The following DDX60L variants were observed in gnomAD, a reference collection of about 807,000 sequenced individuals.
DDX60L encodes DExD/H-box 60 like, also known as probable ATP-dependent RNA helicase DDX60-like.
DDX60L carries 191 observed loss-of-function variants against 211.6 expected under a neutral mutation model. The observed-to-expected ratio is 0.90, with a 90% CI of 0.80 to 1.02. DDX60L has a LOEUF of 1.02. DDX60L is among the 50% of genes least tolerant of loss of function. The pLI is 0.00. For synonymous variants in DDX60L, 706 were observed against 694.1 expected (o/e 1.02, Z -0.27); for missense variants, 2,007 against 1,984.1 (o/e 1.01, Z -0.22).
chr4:168,405,752 G>T (rs552015235), intron 24 of DDX60L, among the ~76,000 whole-genome samples, 198 bp downstream of exon 24: 1 of 152,224 alleles, frequency 6.6e-6, no homozygotes, highest in Non-Finnish European at 1.5e-5. Context: ...ATGTTTTAAA[G>T]GTCACTGAGC....
At chr4:168,456,462 C>T (rs1489458288) in intron 6 of DDX60L, among the ~76,000 whole-genome samples, 1 of 151,932 alleles carries the variant, frequency 6.6e-6, no homozygotes, top group Non-Finnish European at 1.5e-5. Context: ...ATAAAATCAT[C>T]CCATTTTACT....
rs1394722614 is a variant in DDX60L at position 168,466,953 on chromosome 4, C to T, written c.264+4794G>A. 2.6e-5 allele frequency among the ~76,000 whole-genome samples: 4 copies of T among 152,074 alleles called. No individual in the cohort carries two copies. The East Asian group carries it at 7.7e-4, about 29-fold the overall frequency. ...TAGAGGTTTTTTGTTTGTGTTCTAA[C>T]AAAACATGTTAGAACACGTTTTGTT... On this transcript the variant is annotated intron_variant, in intron 4 of 37. Coordinates refer to ENST00000682922, the MANE Select transcript of DDX60L (RefSeq NM_001012967.3).
intron 14 of DDX60L, 133 bp from the exon 15 acceptor site, chr4:168,423,907 T>C (rs1751053239): frequency 1.9e-6 from 1 of 534,290 alleles, no homozygotes; most frequent in Admixed American, 4.2e-5. Context: ...TTAAAGGAGA[T>C]TTTAGAGCAT....
chr4:168,445,356 A>C (rs1309605449), intron 9 of DDX60L, among the ~76,000 whole-genome samples: 2 of 143,484 alleles, frequency 1.4e-5, no homozygotes, highest in African/African-American at 2.5e-5. Context: ...GAATAGACCA[A>C]TAACAGGAGC....
chr4:168,462,855 G>C (rs1017057128), intron 4 of DDX60L, among the ~76,000 whole-genome samples: 2 of 151,934 alleles, frequency 1.3e-5, no homozygotes, highest in African/African-American at 4.8e-5. Flanking sequence ...CAGCCAGTAA[G>C]CATATAAAAA....
At chr4:168,449,652 C>CAAAAAAAAAAAAAAAAAAAAAAAAAAATA in intron 8 of DDX60L, among the ~76,000 whole-genome samples, 1 of 7,936 alleles carries the variant, frequency 1.3e-4, no homozygotes, top group Non-Finnish European at 2.3e-4. Context: ...AAAAAAAATG[C>CAAAAAAAAAAAAAAAAAAAAAAAAAAATA]AAAAAAAAAA....
chr4:168,448,351 T>A (rs866476649), intron 9 of DDX60L, among the ~76,000 whole-genome samples: 2 of 152,118 alleles, frequency 1.3e-5, no homozygotes, highest in South Asian at 4.1e-4. Flanking sequence ...TCAAAAATAG[T>A]GAAAGGATTA....
At chr4:168,449,070 G>T (rs1342910362) in intron 8 of DDX60L, among the ~76,000 whole-genome samples, 1 of 152,114 alleles carries the variant, frequency 6.6e-6, no homozygotes, top group African/African-American at 2.4e-5. Flanking sequence ...TAACACCTTT[G>T]TCATGCAGGT....
intron 4 of DDX60L, 109 bp downstream of exon 4, chr4:168,471,638 T>C (rs1341921692): frequency 4.6e-6 from 4 of 863,612 alleles, no homozygotes; most frequent in Non-Finnish European, 6.8e-6. Flanking sequence ...CCTGTCTTTT[T>C]ATATTTTCTA....
chr4:168,425,331 G>C (rs1480974848), intron 14 of DDX60L, among the ~76,000 whole-genome samples: 1 of 152,232 alleles, frequency 6.6e-6, no homozygotes, highest in East Asian at 1.9e-4. Flanking sequence ...GCTTTGCTGG[G>C]AAGTAGAATA....
At chr4:168,467,646 A>G (rs1758184865) in intron 4 of DDX60L, among the ~76,000 whole-genome samples, 2 of 152,164 alleles carry the variant, frequency 1.3e-5, no homozygotes, top group African/African-American at 4.8e-5. Context: ...AAATGGCCCT[A>G]TATTTATTAA....
intron 27 of DDX60L, chr4:168,395,620 G>C: frequency 5.7e-6 from 1 of 174,542 alleles, no homozygotes; most frequent in Non-Finnish European, 1.2e-5. Context: ...ACTTTCAGTT[G>C]ACATTATTTA....
intron 19 of DDX60L, among the ~76,000 whole-genome samples, chr4:168,418,360 A>G (rs1963568): frequency 0.5 from 75,566 of 151,866 alleles, 19,178 homozygotes; most frequent in African/African-American, 0.57. Context: ...GAGCCACCAC[A>G]CCCGGCCTCA....
chr4:168,383,655 G>A (rs1743348087), intron 30 of DDX60L, among the ~76,000 whole-genome samples: 1 of 152,084 alleles, frequency 6.6e-6, no homozygotes, highest in Non-Finnish European at 1.5e-5. Flanking sequence ...TAGCTCACGA[G>A]GGGAGTGAGA....
At position 168,375,477 on chromosome 4, in the gene DDX60L, C is replaced by G. The variant is rs1046724139; in HGVS notation, c.4533G>C (p.Glu1511Asp). 2.5e-6 allele frequency: 4 copies of G among 1,613,044 alleles called. No homozygotes were observed. The change falls in exon 34 of 38, where the codon GAG (glutamate) becomes GAC (aspartate). Residue 1511 changes from glutamate to aspartate, a missense_variant. Coordinates refer to ENST00000682922, the MANE Select transcript of DDX60L (RefSeq NM_001012967.3). ...AATCCTTCATTACTGCCAGGTTATA[C>G]TCATATAAAGCAGCTTTAAAATCCT... ...LPEDFKAALY[E>D]YNLAVMKDFA... is the part of the protein sequence containing the mutation.
chr4:168,376,826 T>A (rs1039324988), intron 33 of DDX60L, among the ~76,000 whole-genome samples: 1 of 152,208 alleles, frequency 6.6e-6, no homozygotes, highest in African/African-American at 2.4e-5. Context: ...AGCAACTATG[T>A]TTCCCAATCA....
At chr4:168,422,761 A>C in intron 15 of DDX60L, 91 bp from the exon 16 acceptor site, 1 of 1,021,706 alleles carries the variant, frequency 9.8e-7, no homozygotes, top group Non-Finnish European at 1.4e-6. Context: ...TCTATGCACA[A>C]GGCATTTTTA....
At chr4:168,477,682 T>A (rs770413629) in intron 1 of DDX60L, among the ~76,000 whole-genome samples, 6 of 152,194 alleles carry the variant, frequency 3.9e-5, no homozygotes, top group Non-Finnish European at 5.9e-5. Context: ...AGTGAGAAAC[T>A]AGGCTTCTTG....
At chr4:168,393,028 C>T (rs187893933) in intron 28 of DDX60L, among the ~76,000 whole-genome samples, 2 of 152,252 alleles carry the variant, frequency 1.3e-5, no homozygotes, top group Admixed American at 6.5e-5. Context: ...TTGGAGTGAC[C>T]TTTGCCCATA....
Sources: allele counts gnomAD v4.1 joint callset (sites outside exome capture counted in the v4.1 genomes callset), GRCh38; gene constraint gnomAD v4.1.1; transcripts MANE v1.5; gene names NCBI Gene and HGNC (gene_info 2026-07-23, HGNC 2026-07-21).